Variants in MKLN1 observed in about 807,000 individuals in gnomAD.
MKLN1 encodes muskelin.
Under a neutral mutation model 99.0 loss-of-function variants are expected in MKLN1, and 18 were observed. That is an observed-to-expected ratio of 0.18 (90% CI 0.13 to 0.27). MKLN1 has a LOEUF of 0.27. MKLN1 is among the 10% of genes least tolerant of loss of function. The pLI is 1.00. For missense variants in MKLN1, 621 were observed against 875.9 expected, an observed-to-expected ratio of 0.71 and a Z score of 3.67; for synonymous variants, 288 against 293.2, an observed-to-expected ratio of 0.98 and a Z score of 0.18.
intron 12 of MKLN1, among the ~76,000 whole-genome samples, chr7:131,453,261 A>G (rs938204042): frequency 1.3e-5 from 2 of 152,236 alleles, no homozygotes; most frequent in African/African-American, 4.8e-5. Flanking sequence ...TTGAAAGTTA[A>G]TGAAGTAGTA....
chr7:131,229,192 T>C (rs1377675504), intron 3 of MKLN1, among the ~76,000 whole-genome samples: 1 of 151,754 alleles, frequency 6.6e-6, no homozygotes. Context: ...CTTTAAGTTC[T>C]GGGGTACATG....
chr7:131,167,182 T>A (rs953078398), intron 2 of MKLN1, among the ~76,000 whole-genome samples: 3 of 152,092 alleles, frequency 2.0e-5, no homozygotes, highest in African/African-American at 7.2e-5. Flanking sequence ...AATGAAATGA[T>A]CCACTGTTTT....
At chr7:131,251,340 T>A (rs1257333122) in intron 3 of MKLN1, among the ~76,000 whole-genome samples, 3 of 152,162 alleles carry the variant, frequency 2.0e-5, no homozygotes, top group Non-Finnish European at 4.4e-5. Flanking sequence ...AGGGTGATGT[T>A]TTGGTTGCTG....
At chr7:131,115,907 A>G (rs6467347) in intron 1 of MKLN1, among the ~76,000 whole-genome samples, 83,180 of 151,980 alleles carry the variant, frequency 0.55, 24,385 homozygotes, top group East Asian at 0.84. Flanking sequence ...TATTTTTTTC[A>G]TAGTAATGGA....
At chr7:131,114,490 T>A (rs1245170763) in intron 1 of MKLN1, among the ~76,000 whole-genome samples, 2 of 151,976 alleles carry the variant, frequency 1.3e-5, no homozygotes, top group South Asian at 2.1e-4. Context: ...AAGAAGAGGA[T>A]CTACTTTGGA....
intron 2 of MKLN1, among the ~76,000 whole-genome samples, chr7:131,192,292 AC>A (rs1469690693): frequency 1.3e-4 from 12 of 90,028 alleles, no homozygotes; most frequent in South Asian, 3.7e-4. Flanking sequence ...TATAATATAT[AC>A]AATATATAAA....
intron 17 of MKLN1, among the ~76,000 whole-genome samples, chr7:131,480,969 T>C (rs1797107567): frequency 1.3e-5 from 2 of 152,350 alleles, no homozygotes; most frequent in African/African-American, 2.4e-5. Context: ...TACCTTCAGC[T>C]TAACTCCTTT....
chr7:131,328,130 G>GT (rs1285159255), intron 1 of MKLN1, 133 bp downstream of exon 1: 20 of 1,122,646 alleles, frequency 1.8e-5, no homozygotes, highest in Non-Finnish European at 2.5e-5. Flanking sequence ...GGCCTCCGGA[G>GT]TCTTAGTTCA....
At chr7:131,113,017 G>C (rs34439078) in intron 1 of MKLN1, among the ~76,000 whole-genome samples, 4,711 of 152,196 alleles carry the variant, frequency 0.031, 88 homozygotes, top group Non-Finnish European at 0.044. Context: ...TACTGTGCTG[G>C]GTGCTGGGAA....
chr7:131,211,469 G>C (rs564869912), intron 3 of MKLN1, among the ~76,000 whole-genome samples: 1 of 152,172 alleles, frequency 6.6e-6, no homozygotes, highest in Non-Finnish European at 1.5e-5. Flanking sequence ...CTTACTGAGA[G>C]TCTGTACTCT....
At chr7:131,381,623 T>TACCACC (rs551454706) in intron 2 of MKLN1, among the ~76,000 whole-genome samples, 2 of 152,036 alleles carry the variant, frequency 1.3e-5, no homozygotes, top group African/African-American at 2.4e-5. Context: ...ACCTCATCAC[T>TACCACC]ACCACCACCA....
intron 3 of MKLN1, among the ~76,000 whole-genome samples, chr7:131,276,914 A>G (rs924390968): frequency 1.3e-5 from 2 of 152,192 alleles, no homozygotes; most frequent in African/African-American, 4.8e-5. Flanking sequence ...GGTACAAGTC[A>G]GTCCCTGGCT....
chr7:131,286,454 C>T (rs1798133853), intron 3 of MKLN1, among the ~76,000 whole-genome samples: 1 of 151,950 alleles, frequency 6.6e-6, no homozygotes, highest in South Asian at 2.1e-4. Context: ...TTTTTTCCTC[C>T]CCCAAGGAAT....
intron 2 of MKLN1, among the ~76,000 whole-genome samples, chr7:131,158,989 G>T (rs1020837368): frequency 6.6e-6 from 1 of 152,034 alleles, no homozygotes; most frequent in African/African-American, 2.4e-5. Flanking sequence ...AGAAAGTGAT[G>T]AATGCAGCCT....
intron 6 of MKLN1, among the ~76,000 whole-genome samples, chr7:131,404,925 AAAACAAAC>A (rs58745921): frequency 2.0e-5 from 3 of 150,898 alleles, no homozygotes; most frequent in African/African-American, 7.3e-5. Context: ...ATACTTGGTT[AAAACAAAC>A]AAACAAACAA....
intron 2 of MKLN1, among the ~76,000 whole-genome samples, chr7:131,145,783 C>T (rs1280747990): frequency 6.6e-6 from 1 of 152,150 alleles, no homozygotes; most frequent in Non-Finnish European, 1.5e-5. Flanking sequence ...TACATTTCAA[C>T]CCATTAACAT....
intron 3 of MKLN1, among the ~76,000 whole-genome samples, chr7:131,295,303 A>G (rs553836291): frequency 6.6e-6 from 1 of 152,268 alleles, no homozygotes; most frequent in East Asian, 1.9e-4. Context: ...CACCATGCCC[A>G]GCCAAGAGCT....
chr7:131,213,148 T>G (rs544339612), intron 3 of MKLN1, among the ~76,000 whole-genome samples: 1 of 152,154 alleles, frequency 6.6e-6, no homozygotes, highest in South Asian at 2.1e-4. Flanking sequence ...ATATTATACA[T>G]ATATATACAT....
intron 3 of MKLN1, among the ~76,000 whole-genome samples, chr7:131,319,378 C>T (rs531593729): frequency 8.5e-5 from 13 of 152,176 alleles, no homozygotes; most frequent in South Asian, 2.1e-4. Flanking sequence ...AAAAGGCCTT[C>T]GATGAAATTC....
Sources: gnomAD v4.1 joint callset for allele counts (sites outside exome capture counted in the v4.1 genomes callset) on GRCh38, gnomAD v4.1.1 for gene constraint, MANE v1.5 for transcripts, NCBI Gene and HGNC (gene_info 2026-07-23, HGNC 2026-07-21) for gene names.